Variants in SEMA4A observed in about 807,000 individuals in gnomAD.
The protein encoded by SEMA4A is semaphorin 4A.
Under a neutral mutation model 72.5 loss-of-function variants are expected in SEMA4A, and 52 were observed. The ratio of observed to expected loss-of-function variants is 0.72; its 90% confidence interval spans 0.57 to 0.90. The LOEUF is 0.90. Ranked by LOEUF, SEMA4A falls within the 40% of genes least tolerant of loss-of-function variation. The pLI, the probability that SEMA4A is intolerant of heterozygous loss-of-function variation, is 0.00. For synonymous variants in SEMA4A, 369 were observed against 393.1 expected (o/e 0.94, Z 0.73); for missense variants, 926 against 959.7 (o/e 0.96, Z 0.46).
upstream of SEMA4A, among the ~76,000 whole-genome samples, chr1:156,151,890 G>A (rs1398133765): frequency 6.7e-6 from 1 of 149,148 alleles, no homozygotes; most frequent in Non-Finnish European, 1.5e-5. Flanking sequence ...AATGCTGTGC[G>A]GTTGCCCTGT....
intron 10 of SEMA4A, among the ~76,000 whole-genome samples, chr1:156,170,671 G>T (rs546878407): frequency 6.6e-6 from 1 of 151,216 alleles, no homozygotes; most frequent in Admixed American, 6.6e-5. Context: ...GGCGAATGGG[G>T]TGAACCCGGG....
chr1:156,161,251 G>A (rs1405575324), intron 8 of SEMA4A, 95 bp from the exon 9 acceptor site: 1 of 866,968 alleles, frequency 1.2e-6, no homozygotes, highest in East Asian at 3.2e-5. Flanking sequence ...GGCGGGGACT[G>A]GGGGGACACG....
chr1:156,173,192 CCCTTT>C (rs1387445121), intron 11 of SEMA4A, among the ~76,000 whole-genome samples, 186 bp downstream of exon 11: 7 of 152,242 alleles, frequency 4.6e-5, no homozygotes, highest in Non-Finnish European at 1.5e-5. Flanking sequence ...CCACTCCCTA[CCCTTT>C]CTGAGCTTCC....
rs2103013903 is a variant in SEMA4A at position 156,176,406 on chromosome 1, TAAA to T, written c.1696_1698del (p.Lys566del). 6.2e-7 allele frequency: 1 copy of T among 1,608,094 alleles called. No homozygotes were observed. Among genetic ancestry groups the T allele is most frequent in the African/African-American group, 1.3e-5 (1 of 74,884 alleles). On this transcript the variant is annotated inframe_deletion and splice_region_variant, in exon 15 of 15. Coordinates refer to ENST00000368285, the MANE Select transcript of SEMA4A (RefSeq NM_022367.4). ...TTTGCTCCTTTCTTTCTCCTACAGT[TAAA>T]GAAGTCCTGGCTGTCCCCAACTCCA...
intron 4 of SEMA4A, 104 bp from the exon 5 acceptor site, chr1:156,158,284 G>A: frequency 7.9e-7 from 1 of 1,259,662 alleles, no homozygotes; most frequent in African/African-American, 1.5e-5. Flanking sequence ...TACAGGGACT[G>A]CCCCAGCATT....
chr1:156,151,706 C>T (rs1652546299), upstream of SEMA4A, among the ~76,000 whole-genome samples: 1 of 151,828 alleles, frequency 6.6e-6, no homozygotes, highest in South Asian at 2.1e-4. Flanking sequence ...CTTGGTGGCA[C>T]ATGCCTGTAG....
intron 5 of SEMA4A, 63 bp downstream of exon 5, chr1:156,158,549 T>C: frequency 7.0e-7 from 1 of 1,427,192 alleles, no homozygotes; most frequent in East Asian, 2.3e-5. Flanking sequence ...TACCCACGAC[T>C]TTCCTCTGTA....
At chr1:156,148,887 C>T (rs1378481151), upstream of SEMA4A, among the ~76,000 whole-genome samples, 1 of 150,602 alleles carries the variant, frequency 6.6e-6, no homozygotes, top group Admixed American at 6.6e-5. Context: ...ACTACAACCT[C>T]CGCCTCCTGG....
At position 156,154,605 on chromosome 1, in the gene SEMA4A, C is replaced by T. The variant is rs557211786; in HGVS notation, c.27C>T (p.Asp9=). 3 of 1,610,884 alleles carry T rather than the reference C, an allele frequency of 1.9e-6. No homozygotes were observed. Among genetic ancestry groups the T allele is most frequent in the Admixed American group, 1.7e-5 (1 of 59,734 alleles). Residue 9 remains aspartate (D), a synonymous_variant, in exon 2 of 15, where the codon GAC becomes GAT. Coordinates refer to ENST00000368285, the MANE Select transcript of SEMA4A (RefSeq NM_022367.4). MALPALGL[D]PWSLLGLFLF... is the part of the protein sequence containing the mutation. Reference sequence around the variant, plus strand: ...TGGCCCTCCCAGCCCTGGGCCTGGACCCCTGGAGCCTCCTGGGCCTTTTCC... The same window carrying T: ...TGGCCCTCCCAGCCCTGGGCCTGGATCCCTGGAGCCTCCTGGGCCTTTTCC...
intron 4 of SEMA4A, 62 bp downstream of exon 4, chr1:156,158,194 C>T: frequency 6.4e-7 from 1 of 1,565,224 alleles, no homozygotes; most frequent in South Asian, 1.1e-5. Flanking sequence ...CCTAGACCAT[C>T]CCTGGATGAC....
At chr1:156,161,199 G>C in intron 8 of SEMA4A, 147 bp from the exon 9 acceptor site, 1 of 441,260 alleles carries the variant, frequency 2.3e-6, no homozygotes, top group Non-Finnish European at 3.8e-6. Context: ...TGGGGCGGGG[G>C]ACAAGCGTGG....
At chr1:156,159,665 T>G (rs903617141) in intron 6 of SEMA4A, among the ~76,000 whole-genome samples, 2 of 151,946 alleles carry the variant, frequency 1.3e-5, no homozygotes, top group African/African-American at 4.8e-5. Flanking sequence ...TCTCAGCACT[T>G]TAGGAGGCTG....
In SEMA4A at chr1:156,176,893, G is replaced by A. The variant is rs1655399336; in HGVS notation, c.2182G>A (p.Ala728Thr). 3 of 1,614,226 alleles carry A rather than the reference G, an allele frequency of 1.9e-6. No individual in the cohort carries two copies. In the East Asian group the frequency reaches 6.7e-5, roughly 36 times the overall value. The change falls in exon 15 of 15, where the codon GCC (alanine) becomes ACC (threonine). Residue 728 changes from alanine (A) to threonine (T), a missense_variant. Transcript: ENST00000368285. ...TGAGACCCTGCGCCCTGGGGAGAAG[G>A]CCCCGTTAAGCAGAGAGCAACACCT... ...GCETLRPGEK[A>T]PLSREQHLQS...
In SEMA4A at chr1:156,160,475, T is replaced by C; in HGVS notation, c.601T>C (p.Phe201Leu). Residue 201 changes from phenylalanine (F) to leucine (L), a missense_variant, in exon 7 of 15, where the codon TTC (phenylalanine) becomes CTC (leucine). Phe to Leu is a conservative substitution (Grantham distance 22). Coordinates refer to ENST00000368285, the MANE Select transcript of SEMA4A (RefSeq NM_022367.4). ...GMLYSGTMNN[F>L]LGSEPILMRT... is the part of the protein sequence containing the mutation. ...GCTCTATTCTGGTACTATGAACAAC[T>C]TCCTGGGCAGTGAGCCCATCCTGAT... The C allele has an allele frequency of 6.2e-7, 1 of 1,614,040 alleles. No homozygotes were observed. Among genetic ancestry groups the C allele is most frequent in the South Asian group, 1.1e-5 (1 of 91,070 alleles).
At chr1:156,175,321 C>T (rs1485962330) in intron 13 of SEMA4A, 78 bp downstream of exon 13, 3 of 1,486,106 alleles carry the variant, frequency 2.0e-6, no homozygotes. Context: ...TGTTCTTCCT[C>T]TCTCCAGGGG....
chr1:156,158,756 A>G lies in SEMA4A; in HGVS notation c.500A>G (p.Asp167Gly). The part of the protein sequence containing the change: ...QDSYLLPISE[D>G]KVMEGKGQSP... The stretch of plus-strand genomic sequence containing the variant: ...TCCTACCTGTTGCCCATCTCGGAGG[A>G]CAAGGTCATGGAGGGAAAAGGCCAA... The change falls in exon 6 of 15, where the codon GAC (aspartate) becomes GGC (glycine). Residue 167 changes from aspartate (D) to glycine (G), a missense_variant. Transcript: ENST00000368285. The G allele has an allele frequency of 6.2e-7, 1 of 1,613,846 alleles. No individual in the cohort carries two copies. Among genetic ancestry groups the G allele is most frequent in the Non-Finnish European group, 8.5e-7 (1 of 1,179,964 alleles).
At position 156,158,057 on chromosome 1, in the gene SEMA4A, TCCCCA is replaced by T. The variant is rs540777783; in HGVS notation, c.301-11_301-7del. 6.3e-4 allele frequency: 1,012 copies of T among 1,613,818 alleles called. No individual in the cohort carries two copies. The highest frequency in any genetic ancestry group is 8.2e-4 in the Non-Finnish European group (963 of 1,179,874). On this transcript the variant is annotated splice_region_variant and splice_polypyrimidine_tract_variant and intron_variant, in intron 3 of 14. Transcript: ENST00000368285. Reference sequence around the variant, plus strand: ...TTTCTTTTCATCTCGCCCTCCCAACTCCCCACTTTCAGATACCGTGGCCAGCCAGT... The same window carrying T: ...TTTCTTTTCATCTCGCCCTCCCAACTCTTTCAGATACCGTGGCCAGCCAGT...
intron 2 of SEMA4A, 168 bp from the exon 3 acceptor site, chr1:156,156,246 G>A: frequency 2.9e-6 from 2 of 689,572 alleles, no homozygotes; most frequent in Non-Finnish European, 5.2e-6. Context: ...ACGCTCTTGT[G>A]TTGGGGTGGG....
Position 156,175,647 on chromosome 1 carries a change from C to T in SEMA4A, c.1684C>T (p.Pro562Ser), listed in dbSNP as rs1487840155. ...MSRSLRPQSR[P>S]QIIKEVLAVP... The stretch of plus-strand genomic sequence containing the variant: ...CAGGAGCCTTCGGCCTCAGAGCCGC[C>T]CGCAAATCAGTGAGTGTAGGACCAC... The change falls in exon 14 of 15, where the codon CCG becomes TCG. Residue 562 changes from proline (P) to serine (S), a missense_variant. Transcript: ENST00000368285. 2 of 1,606,598 alleles carry T rather than the reference C, an allele frequency of 1.2e-6. No individual in the cohort carries two copies. Among genetic ancestry groups the T allele is most frequent in the Non-Finnish European group, 1.7e-6 (2 of 1,176,428 alleles).
Sources: gnomAD v4.1 joint callset for allele counts (sites outside exome capture counted in the v4.1 genomes callset) on GRCh38, gnomAD v4.1.1 for gene constraint, MANE v1.5 for transcripts, NCBI Gene and HGNC (gene_info 2026-07-23, HGNC 2026-07-21) for gene names.